The following CHD5 variants were observed in gnomAD, a reference collection of about 807,000 sequenced individuals.
CHD5 encodes ATP-dependent chromatin remodeler CHD5.
A neutral mutation model predicts 230.3 loss-of-function variants in CHD5; 69 were observed. That is an observed-to-expected ratio of 0.30 (90% confidence interval 0.25 to 0.37). The LOEUF is 0.37. Among genes scored for constraint, CHD5 ranks in the 10% least tolerant of loss-of-function variants. The probability of loss-of-function intolerance (pLI) is 1.00; values close to 1 mark genes in which losing one functional copy is unlikely to be tolerated. For synonymous variants in CHD5, 1,064 were observed against 1,065.9 expected (o/e 1.00, Z 0.03); for missense variants, 1,827 against 2,622.8 (o/e 0.70, Z 6.63).
Position 6,111,851 on chromosome 1 carries a change from C to G in CHD5, c.5173G>C (p.Ala1725Pro). ...LHTLWQNEER[A>P]AVSSGKIYDI... ...TAGATTTTCCCAGAGGATACAGCAG[C>G]CCGCTCCTCGTTCTGCCACAGCGTG... The change falls in exon 36 of 42, where the codon GCT becomes CCT. Residue 1725 changes from alanine to proline, a missense_variant. Physicochemically the swap from Ala to Pro is conservative, Grantham distance 27. Around this residue, in one of 14 missense-constraint regions of CHD5, gnomAD observed 272 missense variants for 263.2 expected, o/e 1.03. Coordinates refer to ENST00000262450, the MANE Select transcript of CHD5 (RefSeq NM_015557.3). 1 of 1,613,310 alleles carries G rather than the reference C, an allele frequency of 6.2e-7. No homozygotes were observed. The highest frequency in any genetic ancestry group is 8.5e-7 in the Non-Finnish European group (1 of 1,180,008).
intron 12 of CHD5, 44 bp from the exon 13 acceptor site, chr1:6,143,975 G>A (rs749558265): frequency 1.2e-6 from 2 of 1,613,988 alleles, no homozygotes; most frequent in South Asian, 1.1e-5. Flanking sequence ...CTCAGCCCAG[G>A]AGCAGGTCCC....
chr1:6,151,190 C>A lies in CHD5; in HGVS notation c.871-35G>T, dbSNP rs142231568. ...AAGACAGGGTCCTGTGATCCCAGGG[C>A]TTCACCCAGAAGGCTTCGCTGGCCC... On this transcript the variant is annotated intron_variant, in intron 6 of 41. Transcript: ENST00000262450. The A allele has an allele frequency of 7.5e-4, 1,181 of 1,581,084 alleles. 10 individuals are homozygous for A. In the African/African-American group the frequency reaches 0.014, roughly 19 times the overall value.
chr1:6,127,421 G>A (rs867673893), intron 25 of CHD5, among the ~76,000 whole-genome samples: 36 of 152,244 alleles, frequency 2.4e-4, no homozygotes, highest in African/African-American at 8.7e-4. Flanking sequence ...GGGAGGCGTT[G>A]GTTGCAGTGA....
intron 5 of CHD5, among the ~76,000 whole-genome samples, chr1:6,152,762 C>T (rs182540630): frequency 6.6e-5 from 10 of 152,326 alleles, no homozygotes; most frequent in Admixed American, 4.6e-4. Context: ...CTGCCCTGAC[C>T]GCCTTGCTGC....
At chr1:6,161,458 C>T (rs1249672593) in intron 2 of CHD5, among the ~76,000 whole-genome samples, 1 of 152,212 alleles carries the variant, frequency 6.6e-6, no homozygotes, top group Non-Finnish European at 1.5e-5. Flanking sequence ...CCTCCCTGCT[C>T]CCAAACCTCT....
At position 6,121,476 on chromosome 1, in the gene CHD5, C is replaced by A. The variant is rs371800669; in HGVS notation, c.4779+18G>T. On this transcript the variant is annotated intron_variant, in intron 32 of 41. Coordinates refer to ENST00000262450, the MANE Select transcript of CHD5 (RefSeq NM_015557.3). This position sits in a 1 kb window ranked among gnomAD's most constrained non-coding sequence, Gnocchi z 4.5. ...ACCCCACACACACCACAGGCCCAGA[C>A]GCCAGCAAGTTCCACACCTGGACTT... The A allele has an allele frequency of 7.9e-5, 126 of 1,604,000 alleles. No individual in the cohort carries two copies. In the Admixed American group the frequency reaches 1.9e-3, roughly 24 times the overall value.
chr1:6,172,654 T>C (rs1667357437), intron 1 of CHD5, among the ~76,000 whole-genome samples: 1 of 151,900 alleles, frequency 6.6e-6, no homozygotes, highest in South Asian at 2.1e-4. Context: ...CCCAGCACCC[T>C]CCCACTGAAA....
At chr1:6,118,342 G>A (rs984859580) in intron 33 of CHD5, among the ~76,000 whole-genome samples, 1 of 139,878 alleles carries the variant, frequency 7.1e-6, no homozygotes, top group African/African-American at 2.7e-5. Context: ...TCATGCCACT[G>A]CACTCCAGCC....
chr1:6,168,076 C>G, intron 2 of CHD5, 74 bp downstream of exon 2: 2 of 1,522,378 alleles, frequency 1.3e-6, no homozygotes, highest in Non-Finnish European at 1.8e-6. Context: ...GACCCCAGCC[C>G]TCCTCTGCGG....
At chr1:6,177,602 C>T (rs1667445691) in intron 1 of CHD5, among the ~76,000 whole-genome samples, 1 of 152,080 alleles carries the variant, frequency 6.6e-6, no homozygotes. Flanking sequence ...TCAAATCCAG[C>T]TTGGGCAACA....
In CHD5 at chr1:6,142,397, C is replaced by G; in HGVS notation, c.2235+17G>C. 2.5e-6 allele frequency: 4 copies of G among 1,598,350 alleles called. No individual in the cohort carries two copies. Among genetic ancestry groups the G allele is most frequent in the Non-Finnish European group, 2.6e-6 (3 of 1,168,520 alleles). On this transcript the variant is annotated intron_variant, in intron 14 of 41. Transcript: ENST00000262450. The surrounding 1 kb of genome is among the most constrained non-coding windows in gnomAD (Gnocchi z 5.2). ...AGGACCAGCCACCCCTCCTGGCCGC[C>G]TGCCCCGCCTGCCCACCTCCTTGTA...
chr1:6,148,443 G>C (rs919015724), intron 9 of CHD5, among the ~76,000 whole-genome samples: 7 of 152,222 alleles, frequency 4.6e-5, no homozygotes, highest in Admixed American at 4.6e-4. Flanking sequence ...GCCTTAGGCA[G>C]GTCACTCTGC....
At position 6,146,103 on chromosome 1, in the gene CHD5, C is replaced by A. The variant is rs2100860548; in HGVS notation, c.1802+109G>T. 2 of 1,082,024 alleles carry A rather than the reference C, an allele frequency of 1.8e-6. No homozygotes were observed. The highest frequency in any genetic ancestry group is 2.7e-6 in the Non-Finnish European group (2 of 739,854). The allele number at this position is 1,082,024 out of a possible 1,614,324, so 67.0% of individuals were successfully genotyped here. A position where few individuals can be genotyped will look rare whatever the true frequency, so the allele number is the denominator to read the frequency against. ...GCCCACATGTGGTTCTGCACGGCAG[C>A]CCCAAAGCAAGGGCCCTGGCACCCT... On this transcript the variant is annotated intron_variant, in intron 11 of 41. Transcript: ENST00000262450. The surrounding 1 kb of genome is among the most constrained non-coding windows in gnomAD (Gnocchi z 5.1).
At chr1:6,169,511 G>A (rs570450906) in intron 1 of CHD5, among the ~76,000 whole-genome samples, 2 of 152,342 alleles carry the variant, frequency 1.3e-5, no homozygotes, top group Admixed American at 6.5e-5. Flanking sequence ...TGTGACGTGA[G>A]ACCCCTGCTG....
chr1:6,140,979 T>TAATAATAATAATAA (rs1348045883), intron 15 of CHD5, among the ~76,000 whole-genome samples: 2 of 145,186 alleles, frequency 1.4e-5, no homozygotes, highest in African/African-American at 5.1e-5. Context: ...ATAATAATAA[T>TAATAATAATAATAA]AATAATAATA....
intron 17 of CHD5, 84 bp downstream of exon 17, chr1:6,136,433 A>G (rs7526887): frequency 0.43 from 653,086 of 1,512,718 alleles, 148,044 homozygotes; most frequent in East Asian, 0.83. Flanking sequence ...AGCAGGTCTC[A>G]CAGCCAGGAT....
chr1:6,150,101 T>C (rs1557554583), intron 7 of CHD5, among the ~76,000 whole-genome samples: 1 of 146,530 alleles, frequency 6.8e-6, no homozygotes, highest in East Asian at 2.1e-4. Flanking sequence ...GATGGATAGA[T>C]GGACAAAAGG....
chr1:6,172,595 AC>A (rs60369510), intron 1 of CHD5, among the ~76,000 whole-genome samples: 37,141 of 151,950 alleles, frequency 0.24, 7,705 homozygotes, highest in African/African-American at 0.57. Flanking sequence ...TGAAGCTGCC[AC>A]TGTTTGAACA....
rs370692256 is a variant in CHD5, at chr1:6,146,214, A to G, written c.1800T>C (p.His600=). The change falls in exon 11 of 42, where the codon CAT becomes CAC. Residue 600 remains histidine, a splice_region_variant and synonymous_variant. Transcript: ENST00000262450. This position sits in a 1 kb window ranked among gnomAD's most constrained non-coding sequence, Gnocchi z 5.1. The part of the protein sequence containing the change: ...EWMMIHRILN[H]SFDKKGDVHY... The stretch of plus-strand genomic sequence containing the variant: ...GGTGGCCGCCTGCAGGCACACACCT[A>G]TGGTTCAGGATTCGGTGAATCATCA... 4 of 1,613,966 alleles carry G rather than the reference A, an allele frequency of 2.5e-6. No homozygotes were observed. Among genetic ancestry groups the G allele is most frequent in the Non-Finnish European group, 3.4e-6 (4 of 1,179,958 alleles).
Sources: gnomAD v4.1 joint callset for allele counts (sites outside exome capture counted in the v4.1 genomes callset) on GRCh38, gnomAD v4.1.1 for gene constraint, gnomAD v4.1.1 regional missense constraint, Gnocchi (gnomAD v3.1) non-coding constraint, MANE v1.5 for transcripts, NCBI Gene and HGNC (gene_info 2026-07-23, HGNC 2026-07-21) for gene names.